The following ANK3 variants were observed in gnomAD, a reference collection of about 807,000 sequenced individuals.
ANK3 encodes ankyrin-3.
Under a neutral mutation model 370.9 loss-of-function variants are expected in ANK3, and 57 were observed. The observed-to-expected ratio is 0.15, with a 90% CI of 0.12 to 0.19. The LOEUF is 0.19. ANK3 is among the 10% of genes least tolerant of loss of function. The probability of loss-of-function intolerance (pLI) is 1.00; values close to 1 mark genes in which losing one functional copy is unlikely to be tolerated. For missense variants in ANK3, 4,439 were observed against 5,302.1 expected, an observed-to-expected ratio of 0.84 and a Z score of 5.06; for synonymous variants, 1,929 against 1,946.3, an observed-to-expected ratio of 0.99 and a Z score of 0.23.
At chr10:60,528,633 GA>G (rs1400626219) in intron 2 of ANK3, among the ~76,000 whole-genome samples, 2 of 152,008 alleles carry the variant, frequency 1.3e-5, no homozygotes, top group Admixed American at 6.6e-5. Flanking sequence ...TTAGGGTTTT[GA>G]AACTTCAGCA....
chr10:60,159,413 C>G (rs778853372), intron 23 of ANK3, among the ~76,000 whole-genome samples: 2 of 151,962 alleles, frequency 1.3e-5, no homozygotes, highest in African/African-American at 2.4e-5. Flanking sequence ...CTGGAGCACC[C>G]GTATATATAA....
At chr10:60,344,861 C>G (rs1042009609) in intron 1 of ANK3, among the ~76,000 whole-genome samples, 2 of 152,182 alleles carry the variant, frequency 1.3e-5, no homozygotes, top group African/African-American at 2.4e-5. Flanking sequence ...ATTTGGTTAA[C>G]TTGGAAAGAT....
At chr10:60,642,769 A>G (rs773998693) in intron 1 of ANK3, among the ~76,000 whole-genome samples, 17 of 152,204 alleles carry the variant, frequency 1.1e-4, no homozygotes, top group Non-Finnish European at 2.2e-4. Context: ...CCTAAAACTT[A>G]AAGTATAATA....
In ANK3 at chr10:60,080,523, G is replaced by A. The variant is rs1172005183; in HGVS notation, c.4432+14C>T. On this transcript the variant is annotated intron_variant, in intron 36 of 43. Transcript: ENST00000280772. ...AAAATCCACGTAGATTAGTAAATGT[G>A]TTAGGAAACTCACTCATTCCAGGCT... The A allele has an allele frequency of 1.2e-6, 2 of 1,604,426 alleles. No individual in the cohort carries two copies. Among genetic ancestry groups the A allele is most frequent in the East Asian group, 2.2e-5 (1 of 44,648 alleles).
At chr10:60,500,357 G>C (rs2075766019) in intron 2 of ANK3, among the ~76,000 whole-genome samples, 1 of 152,070 alleles carries the variant, frequency 6.6e-6, no homozygotes, top group Non-Finnish European at 1.5e-5. Context: ...TGGCTTTTAT[G>C]GGTAACAGCT....
chr10:60,528,593 A>G (rs12766956), intron 2 of ANK3, among the ~76,000 whole-genome samples: 28,638 of 152,168 alleles, frequency 0.19, 3,443 homozygotes, highest in Middle Eastern at 0.33. Context: ...ATTAAAAATT[A>G]TATGCATTTC....
chr10:60,076,315 A>T lies in ANK3; in HGVS notation c.4566T>A (p.Thr1522=). 1 of 1,614,108 alleles carries T rather than the reference A, an allele frequency of 6.2e-7. No individual in the cohort carries two copies. The change falls in exon 37 of 44, where the codon ACT becomes ACA. Residue 1522 remains threonine (T), a synonymous_variant. Coordinates refer to ENST00000280772, the MANE Select transcript of ANK3 (RefSeq NM_020987.5). ...TVPGPAKSGF[T]SLSSSSSNTP... ...TATTAGAGGAAGAACTTGATAAGGAAGTGAAGCCTGACTTGGCTGGCCCAG... is the reference window on the plus strand; with the variant it reads ...TATTAGAGGAAGAACTTGATAAGGATGTGAAGCCTGACTTGGCTGGCCCAG...
intron 2 of ANK3, among the ~76,000 whole-genome samples, chr10:60,419,545 T>C (rs1305803662): frequency 6.6e-6 from 1 of 152,146 alleles, no homozygotes; most frequent in Non-Finnish European, 1.5e-5. Context: ...TTCCTTCCAA[T>C]GTTCATCTCA....
intron 1 of ANK3, among the ~76,000 whole-genome samples, chr10:60,649,759 T>C (rs995319917): frequency 5.3e-5 from 8 of 152,244 alleles, no homozygotes; most frequent in South Asian, 2.1e-4. Flanking sequence ...TGCTCTTGTA[T>C]GTTTTATCTG....
At chr10:60,052,269 A>G (rs1564631410) in intron 42 of ANK3, among the ~76,000 whole-genome samples, 2 of 152,310 alleles carry the variant, frequency 1.3e-5, no homozygotes, top group East Asian at 1.9e-4. Context: ...CAGAGGTTGC[A>G]GTGAGCTGAA....
chr10:60,577,413 C>A (rs1238348302), intron 2 of ANK3, among the ~76,000 whole-genome samples: 1 of 151,928 alleles, frequency 6.6e-6, no homozygotes, highest in Admixed American at 6.6e-5. Context: ...ATAGTTCCCA[C>A]AATTCCCACC....
Position 60,075,234 on chromosome 10 carries a change from C to A in ANK3, c.5647G>T (p.Ala1883Ser). 1 of 1,614,022 alleles carries A rather than the reference C, an allele frequency of 6.2e-7. No homozygotes were observed. Among genetic ancestry groups the A allele is most frequent in the Non-Finnish European group, 8.5e-7 (1 of 1,179,978 alleles). Residue 1883 changes from alanine (A) to serine (S), a missense_variant, in exon 37 of 44, where the codon GCA becomes TCA. Physicochemically the swap from Ala to Ser is moderately conservative, Grantham distance 99 (BLOSUM62 1). This residue lies in a region of ANK3 where 679 missense variants were observed against 791.0 expected (regional missense o/e 0.86). Transcript: ENST00000280772. ...SSPVKSSLFL[A>S]PSALKLSTPS... is the part of the protein sequence containing the mutation. ...GTAGACAACTTAAGGGCAGAGGGTG[C>A]AAGGAACAAAGATGACTTAACTGGA...
At chr10:60,389,370 G>A in intron 1 of ANK3, 55 bp downstream of exon 1, 2 of 1,519,864 alleles carry the variant, frequency 1.3e-6, no homozygotes, top group Admixed American at 1.7e-5. Context: ...ATGCCAGAGG[G>A]AGATTAAAAC....
intron 2 of ANK3, among the ~76,000 whole-genome samples, chr10:60,607,416 A>G (rs1013952639): frequency 6.7e-6 from 1 of 150,258 alleles, no homozygotes; most frequent in African/African-American, 2.4e-5. Context: ...TTTCTAATAT[A>G]AAAAAAAAAT....
chr10:60,618,810 T>TA (rs921263924), intron 1 of ANK3, among the ~76,000 whole-genome samples: 1 of 152,130 alleles, frequency 6.6e-6, no homozygotes, highest in African/African-American at 2.4e-5. Context: ...GTTTCTCCTC[T>TA]ACAGCTCACC....
At chr10:60,342,029 G>A (rs2054398126) in intron 1 of ANK3, among the ~76,000 whole-genome samples, 1 of 152,070 alleles carries the variant, frequency 6.6e-6, no homozygotes, top group Non-Finnish European at 1.5e-5. Context: ...ATTTGTAGGA[G>A]AAAAGGTAGG....
intron 39 of ANK3, among the ~76,000 whole-genome samples, chr10:60,063,480 C>T (rs184521371): frequency 6.6e-6 from 1 of 152,286 alleles, no homozygotes; most frequent in Admixed American, 6.5e-5. Context: ...TGGAACAGTG[C>T]GGATGGGCCT....
intron 28 of ANK3, among the ~76,000 whole-genome samples, chr10:60,094,405 A>G (rs936132308): frequency 4.3e-4 from 65 of 151,960 alleles, no homozygotes; most frequent in African/African-American, 1.5e-3. Flanking sequence ...CCAAGCTGGT[A>G]TTGAACTCCT....
chr10:60,599,885 T>G (rs180897789), intron 2 of ANK3, among the ~76,000 whole-genome samples: 23 of 152,294 alleles, frequency 1.5e-4, no homozygotes, highest in African/African-American at 5.3e-4. Context: ...CTCTGTCCTC[T>G]CTTCTACAAC....
Sources: gnomAD v4.1 joint callset for allele counts (sites outside exome capture counted in the v4.1 genomes callset) on GRCh38, gnomAD v4.1.1 for gene constraint, gnomAD v4.1.1 regional missense constraint, MANE v1.5 for transcripts, NCBI Gene and HGNC (gene_info 2026-07-23, HGNC 2026-07-21) for gene names.